PDLIM5: variants seen among roughly 807,000 people sequenced by gnomAD.
PDLIM5 encodes PDZ and LIM domain protein 5.
A neutral mutation model predicts 64.2 loss-of-function variants in PDLIM5; 34 were observed. The observed-to-expected ratio is 0.53, with a 90% CI of 0.40 to 0.71. The LOEUF (loss-of-function observed/expected upper bound fraction) is 0.71. Among genes scored for constraint, PDLIM5 ranks in the 30% least tolerant of loss-of-function variants. The pLI, the probability that PDLIM5 is intolerant of heterozygous loss-of-function variation, is 0.00. For synonymous variants in PDLIM5, 253 were observed against 269.1 expected, an observed-to-expected ratio of 0.94 and a Z score of 0.59; for missense variants, 683 against 733.6, an observed-to-expected ratio of 0.93 and a Z score of 0.80.
intron 2 of PDLIM5, among the ~76,000 whole-genome samples, chr4:94,500,476 G>A (rs557583172): frequency 2.0e-5 from 3 of 152,208 alleles, no homozygotes; most frequent in East Asian, 1.9e-4. Context: ...AGTTATACAG[G>A]CATTTTTCAT....
intron 3 of PDLIM5, chr4:94,549,967 C>G (rs1732666964): frequency 6.6e-6 from 1 of 151,966 alleles, no homozygotes; most frequent in African/African-American, 2.4e-5. Context: ...AATGACGATA[C>G]CAGTACCTCA....
chr4:94,581,289 T>C (rs1735712090), intron 5 of PDLIM5, among the ~76,000 whole-genome samples: 1 of 152,158 alleles, frequency 6.6e-6, no homozygotes, highest in South Asian at 2.1e-4. Context: ...TACCTTTAGG[T>C]TGAAATCAGT....
intron 8 of PDLIM5, among the ~76,000 whole-genome samples, chr4:94,624,191 G>T (rs539844245): frequency 1.3e-5 from 2 of 151,958 alleles, no homozygotes; most frequent in Non-Finnish European, 2.9e-5. Context: ...GGTGGTGCAC[G>T]CCTATGGTCC....
chr4:94,617,418 T>A (rs1738864687), intron 7 of PDLIM5, among the ~76,000 whole-genome samples: 1 of 152,102 alleles, frequency 6.6e-6, no homozygotes, highest in Non-Finnish European at 1.5e-5. Context: ...AAGGGTTGTT[T>A]CTTGTTTATT....
chr4:94,613,803 T>A (rs199578028), intron 7 of PDLIM5, among the ~76,000 whole-genome samples: 8 of 111,272 alleles, frequency 7.2e-5, no homozygotes, highest in South Asian at 2.9e-4. Flanking sequence ...ATTTAGAAAA[T>A]ATATTTGAAT....
intron 10 of PDLIM5, among the ~76,000 whole-genome samples, chr4:94,656,420 TG>T (rs1273974537): frequency 2.0e-5 from 3 of 152,070 alleles, no homozygotes; most frequent in African/African-American, 7.2e-5. Flanking sequence ...GTTTAACCAT[TG>T]GGCCATTGCT....
In PDLIM5 at chr4:94,478,890, G is replaced by GTTTTTTTTTTTTT. The variant is rs67013211; in HGVS notation, c.96+23521_96+23533dup. On this transcript the variant is annotated intron_variant, in intron 2 of 12. Transcript: ENST00000317968. ...CCAAAAGAAGGTAGGTGTGCTTGGT[G>GTTTTTTTTTTTTT]TTTTTTTTTTTTTTTTTTTTTTTTT... 6.4e-4 allele frequency among the ~76,000 whole-genome samples: 60 copies of GTTTTTTTTTTTTT among 94,082 alleles called. 9 individuals carry two copies. Among genetic ancestry groups the GTTTTTTTTTTTTT allele is most frequent in the African/African-American group, 2.5e-3 (55 of 22,354 alleles). 61.7% of individuals were successfully genotyped at this position (94,082 alleles called of 152,430 possible).
intron 8 of PDLIM5, among the ~76,000 whole-genome samples, chr4:94,624,609 T>C (rs916405165): frequency 6.6e-6 from 1 of 152,208 alleles, no homozygotes; most frequent in African/African-American, 2.4e-5. Flanking sequence ...TGAAGTCCTA[T>C]TTTATGCAGG....
intron 3 of PDLIM5, among the ~76,000 whole-genome samples, chr4:94,530,428 A>T (rs1243473180): frequency 6.6e-6 from 1 of 151,830 alleles, no homozygotes; most frequent in Admixed American, 6.6e-5. Context: ...GTATGCAAGC[A>T]TCATTTATTC....
intron 2 of PDLIM5, among the ~76,000 whole-genome samples, chr4:94,486,141 G>A (rs1328374115): frequency 6.6e-6 from 1 of 152,034 alleles, no homozygotes; most frequent in South Asian, 2.1e-4. Flanking sequence ...GTAGCTTATC[G>A]TCTGTGAACA....
At chr4:94,662,274 T>A (rs1404183129) in intron 11 of PDLIM5, 148 bp from the exon 12 acceptor site, 1 of 498,188 alleles carries the variant, frequency 2.0e-6, no homozygotes, top group Non-Finnish European at 3.7e-6. Context: ...AAGCCAAATG[T>A]TATGCCATCT....
chr4:94,593,227 T>G (rs1177338671), intron 7 of PDLIM5, among the ~76,000 whole-genome samples: 1 of 152,230 alleles, frequency 6.6e-6, no homozygotes, highest in Non-Finnish European at 1.5e-5. Context: ...AGTAAAGGCC[T>G]AGCAATTCAA....
intron 2 of PDLIM5, among the ~76,000 whole-genome samples, chr4:94,469,711 T>A (rs1046324664): frequency 2.0e-5 from 3 of 152,172 alleles, no homozygotes; most frequent in Non-Finnish European, 4.4e-5. Context: ...ACTATTATGG[T>A]GATCTGACCA....
chr4:94,535,950 A>G (rs535000117), intron 3 of PDLIM5, among the ~76,000 whole-genome samples: 1 of 151,296 alleles, frequency 6.6e-6, no homozygotes, highest in East Asian at 1.9e-4. Flanking sequence ...ATTGTATTGC[A>G]GTTTTAAATG....
chr4:94,501,709 A>G (rs1177367193), intron 2 of PDLIM5, among the ~76,000 whole-genome samples: 2 of 152,134 alleles, frequency 1.3e-5, no homozygotes, highest in South Asian at 2.1e-4. Context: ...GCTGTGCTCT[A>G]TATTATTTCA....
rs538762284 is a variant in PDLIM5 at position 94,586,069 on chromosome 4, C to A, written c.883+332C>A. Among the ~76,000 whole-genome samples, 8 of 152,182 alleles carry A rather than the reference C, an allele frequency of 5.3e-5. No homozygotes were observed. In the South Asian group the frequency reaches 1.7e-3, roughly 32 times the overall value. ...CCTGTAATCCCAGCTACTTGGGAGC[C>A]TGAGGCAGGAGAATCATTTGAACCG... On this transcript the variant is annotated intron_variant, in intron 6 of 12. Coordinates refer to ENST00000317968, the MANE Select transcript of PDLIM5 (RefSeq NM_006457.5).
At position 94,664,301 on chromosome 4, in the gene PDLIM5, C is replaced by T. The variant is rs1053818219; in HGVS notation, c.*234C>T. The T allele has an allele frequency of 5.8e-6, 5 of 859,400 alleles. No homozygotes were observed. The African/African-American group carries it at 9.0e-5, about 15-fold the overall frequency. 53.2% of individuals were successfully genotyped at this position (859,400 alleles called of 1,614,324 possible). ...CTGTATTTTATGCCCATAAAATAAGCTTTATAAAAACCAATTTCCTGATGG... is the reference window on the plus strand; with the variant it reads ...CTGTATTTTATGCCCATAAAATAAGTTTTATAAAAACCAATTTCCTGATGG... On this transcript the variant is annotated 3_prime_UTR_variant, in exon 13 of 13. Transcript: ENST00000317968.
At chr4:94,633,188 AGC>A (rs1345600567) in intron 8 of PDLIM5, among the ~76,000 whole-genome samples, 1 of 152,142 alleles carries the variant, frequency 6.6e-6, no homozygotes, top group Admixed American at 6.5e-5. Flanking sequence ...ATGGCCGGGG[AGC>A]GAGGAGTGGA....
At chr4:94,539,926 CG>C (rs1731640563) in intron 3 of PDLIM5, among the ~76,000 whole-genome samples, 1 of 151,838 alleles carries the variant, frequency 6.6e-6, no homozygotes, top group African/African-American at 2.4e-5. Flanking sequence ...TCTTGGCTGC[CG>C]TGAGTAAAAT....
Sources: gnomAD v4.1 joint callset for allele counts (sites outside exome capture counted in the v4.1 genomes callset) on GRCh38, gnomAD v4.1.1 for gene constraint, MANE v1.5 for transcripts, NCBI Gene and HGNC (gene_info 2026-07-23, HGNC 2026-07-21) for gene names.